Variants in SFSWAP observed in about 807,000 individuals in gnomAD.
The protein encoded by SFSWAP is splicing factor, suppressor of white-apricot homolog.
SFSWAP carries 17 observed loss-of-function variants against 100.7 expected under a neutral mutation model. The observed-to-expected ratio is 0.17, with a 90% CI of 0.12 to 0.25. SFSWAP has a LOEUF of 0.25. Among genes scored for constraint, SFSWAP ranks in the 10% least tolerant of loss-of-function variants. SFSWAP has a pLI of 1.00. For missense variants in SFSWAP, 1,005 were observed against 1,262.6 expected, an observed-to-expected ratio of 0.80 and a Z score of 3.09; for synonymous variants, 504 against 510.1, an observed-to-expected ratio of 0.99 and a Z score of 0.16.
rs148130572 is a variant in SFSWAP, at chr12:131,753,187, G to T, written c.1146G>T (p.Pro382=). Residue 382 remains proline (P), a synonymous_variant, in exon 8 of 18, where the codon CCG becomes CCT. Coordinates refer to ENST00000261674, the MANE Select transcript of SFSWAP (RefSeq NM_004592.4). ...CGGACGGCACTTACTGCCTGGCGCC[G>T]CCCCCTCCCGGAATCGACGTGACTA... ...MLPDGTYCLA[P]PPPGIDVTTY... is the part of the protein sequence containing the mutation. 5 of 1,614,078 alleles carry T rather than the reference G, an allele frequency of 3.1e-6. No homozygotes were observed. The highest frequency in any genetic ancestry group is 4.5e-5 in the East Asian group (2 of 44,880).
At position 131,753,307 on chromosome 12, in the gene SFSWAP, G is replaced by T. The variant is rs563492173; in HGVS notation, c.1266G>T (p.Pro422=). The part of the protein sequence containing the change: ...APPPPGTTPL[P]PPTTAETSSG... The stretch of plus-strand genomic sequence containing the variant: ...CACCTCCTGGGACCACACCACTACC[G>T]CCCCCAACCACAGCAGAGACTAGCA... Residue 422 remains proline (P), a synonymous_variant, in exon 8 of 18, where the codon CCG becomes CCT. Transcript: ENST00000261674. 1.9e-6 allele frequency: 3 copies of T among 1,611,272 alleles called. No homozygotes were observed. In the African/African-American group the frequency reaches 4.0e-5, roughly 22 times the overall value.
rs1221712122 is a variant in SFSWAP at position 131,730,023 on chromosome 12, A to G, written c.1081+1595A>G. ...AGAATGTCTTTAAATGATTAAATCA[A>G]GTCATATCAAATTTCACTGAATGTT... On this transcript the variant is annotated intron_variant, in intron 7 of 17. Transcript: ENST00000261674. This position sits in a 1 kb window ranked among gnomAD's most constrained non-coding sequence, Gnocchi z 4.0. 1.3e-5 allele frequency among the ~76,000 whole-genome samples: 2 copies of G among 152,260 alleles called. No homozygotes were observed. The highest frequency in any genetic ancestry group is 6.5e-5 in the Admixed American group (1 of 15,288).
rs76366849 is a variant in SFSWAP, at chr12:131,764,334, G to C, written c.1721-122G>C. On this transcript the variant is annotated intron_variant, in intron 11 of 17. Transcript: ENST00000261674. The stretch of plus-strand genomic sequence containing the variant: ...CACGGCGTCCCCCACCGTAGACCCT[G>C]CATATGATGTGGCTCCATGCTAGTC... 4.4e-3 allele frequency: 3,202 copies of C among 734,018 alleles called. 13 individuals are homozygous for C. Among genetic ancestry groups the C allele is most frequent in the Non-Finnish European group, 5.7e-3 (2,445 of 428,304 alleles). The allele number at this position is 734,018 out of a possible 1,614,324, so 45.5% of individuals were successfully genotyped here.
In SFSWAP at chr12:131,714,847, A is replaced by G; in HGVS notation, c.414A>G (p.Glu138=). The change falls in exon 3 of 18, where the codon GAA becomes GAG. Residue 138 remains glutamate (E), a synonymous_variant. Transcript: ENST00000261674. This position sits in a 1 kb window ranked among gnomAD's most constrained non-coding sequence, Gnocchi z 6.0. ...RQEEEYKRLS[E]ALAEDGSYNA... is the part of the protein sequence containing the mutation. ...AGGAAGAATACAAGCGATTGAGTGAAGCACTAGCAGAGGATGGGAGCTACA... is the reference window on the plus strand; with the variant it reads ...AGGAAGAATACAAGCGATTGAGTGAGGCACTAGCAGAGGATGGGAGCTACA... 6.2e-7 allele frequency: 1 copy of G among 1,614,116 alleles called. No individual in the cohort carries two copies. Among genetic ancestry groups the G allele is most frequent in the Non-Finnish European group, 8.5e-7 (1 of 1,179,938 alleles).
intron 7 of SFSWAP, among the ~76,000 whole-genome samples, chr12:131,743,157 A>G (rs1370422084): frequency 6.6e-6 from 1 of 152,158 alleles, no homozygotes; most frequent in Non-Finnish European, 1.5e-5. Flanking sequence ...GCCAAACCAT[A>G]TCATCCCCTC....
At position 131,734,570 on chromosome 12, in the gene SFSWAP, C is replaced by T. The variant is rs959557455; in HGVS notation, c.1081+6142C>T. Among the ~76,000 whole-genome samples the T allele has an allele frequency of 6.6e-6, 1 of 152,158 alleles. No individual in the cohort carries two copies. Among genetic ancestry groups the T allele is most frequent in the Admixed American group, 6.5e-5 (1 of 15,276 alleles). ...TGTGGGCTTGTGCATGTTTGAATGC[C>T]CTGTGGACCCGGAGCTCTGTGAGGC... On this transcript the variant is annotated intron_variant, in intron 7 of 17. Coordinates refer to ENST00000261674, the MANE Select transcript of SFSWAP (RefSeq NM_004592.4). This position sits in a 1 kb window ranked among gnomAD's most constrained non-coding sequence, Gnocchi z 4.9.
At chr12:131,753,578 T>C (rs952812050) in intron 8 of SFSWAP, 11 of 609,834 alleles carry the variant, frequency 1.8e-5, no homozygotes, top group Admixed American at 3.1e-5. Flanking sequence ...TTAAACCACT[T>C]ATAAAGTTGA....
chr12:131,770,670 C>T (rs1382858905), intron 13 of SFSWAP, among the ~76,000 whole-genome samples: 1 of 152,004 alleles, frequency 6.6e-6, no homozygotes, highest in Non-Finnish European at 1.5e-5. Flanking sequence ...TCCTCCAATT[C>T]TCTCCCTTCT....
rs186039573 is a variant in SFSWAP at position 131,777,388 on chromosome 12, C to G, written c.2143-677C>G. Among the ~76,000 whole-genome samples the G allele has an allele frequency of 2.8e-3, 421 of 152,194 alleles. 3 individuals carry two copies. The highest frequency in any genetic ancestry group is 0.017 in the Middle Eastern group (5 of 294). On this transcript the variant is annotated intron_variant, in intron 13 of 17. Transcript: ENST00000261674. Reference sequence around the variant, plus strand: ...GTTCCCACCTATGAGTGAGAACATGCGGTGTTTGGTTTTTTGTCCTTGGTG... The same window carrying G: ...GTTCCCACCTATGAGTGAGAACATGGGGTGTTTGGTTTTTTGTCCTTGGTG...
In SFSWAP at chr12:131,728,334, T is replaced by G. The variant is rs146357379; in HGVS notation, c.987T>G (p.Leu329=). Residue 329 remains leucine (L), a synonymous_variant, in exon 7 of 18, where the codon CTT becomes CTG. Transcript: ENST00000261674. The stretch of plus-strand genomic sequence containing the variant: ...ACCCAGATCATCCCCTCGCAGCACT[T>G]GTTCGTAAGGCACAGGCTGACAGTT... ...VVDPDHPLAA[L]VRKAQADSST... is the part of the protein sequence containing the mutation. The G allele has an allele frequency of 3.5e-5, 57 of 1,614,084 alleles. No individual in the cohort carries two copies. The highest frequency in any genetic ancestry group is 1.0e-4 in the Admixed American group (6 of 60,004).
chr12:131,735,672 C>T (rs1458724740), intron 7 of SFSWAP, among the ~76,000 whole-genome samples: 1 of 152,208 alleles, frequency 6.6e-6, no homozygotes, highest in East Asian at 1.9e-4. Context: ...TTGGTCTTGG[C>T]GTCCTGTGGT....
At chr12:131,775,270 T>C (rs1883923443) in intron 13 of SFSWAP, among the ~76,000 whole-genome samples, 1 of 152,194 alleles carries the variant, frequency 6.6e-6, no homozygotes, top group South Asian at 2.1e-4. Flanking sequence ...GGGTGGAGTA[T>C]GTGTCTCAGC....
chr12:131,767,277 A>G (rs1883193010), intron 13 of SFSWAP, among the ~76,000 whole-genome samples: 1 of 152,276 alleles, frequency 6.6e-6, no homozygotes, highest in South Asian at 2.1e-4. Flanking sequence ...AATCATAATC[A>G]GCAAAAACTC....
At chr12:131,773,690 AAG>A (rs1256048109) in intron 13 of SFSWAP, among the ~76,000 whole-genome samples, 1 of 152,208 alleles carries the variant, frequency 6.6e-6, no homozygotes, top group African/African-American at 2.4e-5. Flanking sequence ...CAATTCCAGT[AAG>A]AGTTTGAAAA....
chr12:131,761,718 GC>G (rs2136234075), intron 11 of SFSWAP, among the ~76,000 whole-genome samples: 1 of 152,350 alleles, frequency 6.6e-6, no homozygotes, highest in African/African-American at 2.4e-5. Context: ...CTAGGCAGAA[GC>G]AACAATTTTG....
intron 4 of SFSWAP, among the ~76,000 whole-genome samples, chr12:131,721,396 A>G (rs1206310708): frequency 6.6e-6 from 1 of 152,180 alleles, no homozygotes; most frequent in Non-Finnish European, 1.5e-5. Context: ...TTGTATTAAT[A>G]TATTTTCCAT....
chr12:131,758,700 A>C (rs1882395691), intron 11 of SFSWAP, among the ~76,000 whole-genome samples: 1 of 152,246 alleles, frequency 6.6e-6, no homozygotes, highest in African/African-American at 2.4e-5. Flanking sequence ...TAATGCCAGC[A>C]CATAGGGAGG....
At chr12:131,770,415 C>T (rs915468087) in intron 13 of SFSWAP, among the ~76,000 whole-genome samples, 1 of 152,200 alleles carries the variant, frequency 6.6e-6, no homozygotes, top group East Asian at 1.9e-4. Flanking sequence ...AGGACACTCC[C>T]TTACACAAGG....
chr12:131,735,654 C>G (rs907023611), intron 7 of SFSWAP, among the ~76,000 whole-genome samples: 6 of 152,254 alleles, frequency 3.9e-5, no homozygotes, highest in Non-Finnish European at 8.8e-5. Flanking sequence ...CCGTCTGTTG[C>G]TGTTCCCTTG....
Sources: allele counts gnomAD v4.1 joint callset (sites outside exome capture counted in the v4.1 genomes callset), GRCh38; gene constraint gnomAD v4.1.1; non-coding constraint Gnocchi (gnomAD v3.1); transcripts MANE v1.5; gene names NCBI Gene and HGNC (gene_info 2026-07-23, HGNC 2026-07-21).